The following DLG2 variants were observed in gnomAD, a reference collection of about 807,000 sequenced individuals.
DLG2 encodes the protein disks large homolog 2.
Under a neutral mutation model 132.5 loss-of-function variants are expected in DLG2, and 45 were observed. The observed-to-expected ratio is 0.34, with a 90% CI of 0.27 to 0.44. The LOEUF (loss-of-function observed/expected upper bound fraction) is 0.44. Ranked by LOEUF, DLG2 falls within the 20% of genes least tolerant of loss-of-function variation. The pLI is 1.00. For missense variants in DLG2, 1,045 were observed against 1,196.9 expected (o/e 0.87, Z 1.87); for synonymous variants, 424 against 419.6 (o/e 1.01, Z -0.13).
intron 6 of DLG2, among the ~76,000 whole-genome samples, chr11:84,713,422 A>G (rs1327752572): frequency 6.6e-6 from 1 of 152,102 alleles, no homozygotes; most frequent in Non-Finnish European, 1.5e-5. Context: ...GTAGCAGGTC[A>G]GTGTGTGTAT....
At chr11:85,131,925 T>G (rs1322277531) in intron 5 of DLG2, among the ~76,000 whole-genome samples, 1 of 152,134 alleles carries the variant, frequency 6.6e-6, no homozygotes, top group Non-Finnish European at 1.5e-5. Flanking sequence ...ATGGTTCAAA[T>G]TAACTCATGG....
intron 6 of DLG2, among the ~76,000 whole-genome samples, chr11:84,715,203 A>G (rs2061076360): frequency 6.6e-6 from 1 of 152,180 alleles, no homozygotes; most frequent in African/African-American, 2.4e-5. Context: ...GAGCTGTTAT[A>G]TTAACAAATT....
chr11:84,165,682 A>G (rs2095645280), intron 8 of DLG2, among the ~76,000 whole-genome samples: 1 of 152,084 alleles, frequency 6.6e-6, no homozygotes, highest in Non-Finnish European at 1.5e-5. Context: ...GGCAGATCAC[A>G]AAATCAGGAG....
At chr11:85,522,310 C>T (rs974370284) in intron 3 of DLG2, among the ~76,000 whole-genome samples, 1 of 152,268 alleles carries the variant, frequency 6.6e-6, no homozygotes, top group East Asian at 1.9e-4. Context: ...GGGAACCTCT[C>T]CCTAGGTTTC....
chr11:83,512,157 A>G (rs563272756), intron 21 of DLG2, among the ~76,000 whole-genome samples: 2 of 152,310 alleles, frequency 1.3e-5, no homozygotes, highest in Admixed American at 1.3e-4. Flanking sequence ...CTAGCAAAGC[A>G]CAGTTCAGGC....
intron 17 of DLG2, among the ~76,000 whole-genome samples, chr11:83,831,645 GC>G (rs1266689929): frequency 2.6e-5 from 4 of 152,092 alleles, no homozygotes; most frequent in African/African-American, 7.2e-5. Flanking sequence ...ATAAATCACA[GC>G]CATAAAATGA....
intron 16 of DLG2, among the ~76,000 whole-genome samples, chr11:83,857,666 T>A (rs951273234): frequency 6.6e-6 from 1 of 152,206 alleles, no homozygotes; most frequent in Non-Finnish European, 1.5e-5. Flanking sequence ...TGAACGCTAA[T>A]GTAAGCTATG....
chr11:85,496,490 G>A (rs1361187915), intron 3 of DLG2, among the ~76,000 whole-genome samples: 2 of 152,134 alleles, frequency 1.3e-5, no homozygotes, highest in Non-Finnish European at 2.9e-5. Flanking sequence ...CTGGGGACAG[G>A]GCATATCTGA....
At chr11:85,136,346 G>A (rs1594744644) in intron 5 of DLG2, among the ~76,000 whole-genome samples, 1 of 152,086 alleles carries the variant, frequency 6.6e-6, no homozygotes, top group Non-Finnish European at 1.5e-5. Context: ...ACCCATTTGG[G>A]TTTTCCACTT....
intron 6 of DLG2, among the ~76,000 whole-genome samples, chr11:85,058,276 T>A (rs1437452394): frequency 6.6e-6 from 1 of 151,512 alleles, no homozygotes. Context: ...AAAAATAAAA[T>A]TTAAAAATGA....
chr11:84,265,760 T>A (rs939473857), intron 7 of DLG2, among the ~76,000 whole-genome samples: 1 of 152,068 alleles, frequency 6.6e-6, no homozygotes, highest in Non-Finnish European at 1.5e-5. Flanking sequence ...ATTGGTGTAA[T>A]TTTTTCAACT....
intron 6 of DLG2, among the ~76,000 whole-genome samples, chr11:84,686,312 A>T (rs2153715954): frequency 6.6e-6 from 1 of 152,264 alleles, no homozygotes; most frequent in African/African-American, 2.4e-5. Flanking sequence ...TTTCTGAATC[A>T]TTTTTTAATA....
chr11:85,471,667 T>C (rs1407652703), intron 3 of DLG2, among the ~76,000 whole-genome samples: 1 of 151,810 alleles, frequency 6.6e-6, no homozygotes, highest in Non-Finnish European at 1.5e-5. Flanking sequence ...GAGATAGAGA[T>C]AAAAAAGCCC....
chr11:84,920,488 C>T (rs145555584), intron 6 of DLG2, among the ~76,000 whole-genome samples: 93 of 152,258 alleles, frequency 6.1e-4, no homozygotes, highest in African/African-American at 2.1e-3. Context: ...CTACAACAAA[C>T]CCTGCATAGA....
intron 7 of DLG2, among the ~76,000 whole-genome samples, chr11:84,278,585 T>C (rs1011139918): frequency 6.6e-6 from 1 of 151,972 alleles, no homozygotes; most frequent in Non-Finnish European, 1.5e-5. Flanking sequence ...TCTTAAAAAA[T>C]TTTTTAGCAA....
intron 6 of DLG2, among the ~76,000 whole-genome samples, chr11:84,845,438 C>T (rs1301033013): frequency 6.6e-6 from 1 of 151,986 alleles, no homozygotes; most frequent in African/African-American, 2.4e-5. Flanking sequence ...AGACAATAAA[C>T]AAATAATGAT....
chr11:84,383,699 G>A (rs1019893915), intron 7 of DLG2, among the ~76,000 whole-genome samples: 6 of 152,006 alleles, frequency 3.9e-5, no homozygotes, highest in African/African-American at 1.4e-4. Flanking sequence ...ACCCCCACAA[G>A]GAAATACATT....
At chr11:84,247,021 T>C (rs1031130388) in intron 8 of DLG2, among the ~76,000 whole-genome samples, 3 of 152,168 alleles carry the variant, frequency 2.0e-5, no homozygotes, top group Non-Finnish European at 4.4e-5. Context: ...AACTCCAAGA[T>C]ATTTAACAAG....
At chr11:84,753,618 G>A (rs2066467490) in intron 6 of DLG2, among the ~76,000 whole-genome samples, 1 of 152,128 alleles carries the variant, frequency 6.6e-6, no homozygotes, top group Admixed American at 6.6e-5. Flanking sequence ...CAGAGCTATT[G>A]AATAGTTATG....
Sources: gnomAD v4.1 joint callset for allele counts (sites outside exome capture counted in the v4.1 genomes callset) on GRCh38, gnomAD v4.1.1 for gene constraint, MANE v1.5 for transcripts, NCBI Gene and HGNC (gene_info 2026-07-23, HGNC 2026-07-21) for gene names.